Variants in PTPN4 observed in about 807,000 individuals in gnomAD.
The protein encoded by PTPN4 is tyrosine-protein phosphatase non-receptor type 4.
PTPN4 carries 49 observed loss-of-function variants against 135.5 expected under a neutral mutation model. That is an observed-to-expected ratio of 0.36 (90% CI 0.29 to 0.46). The LOEUF (loss-of-function observed/expected upper bound fraction) is 0.46. Ranked by LOEUF, PTPN4 falls within the 20% of genes least tolerant of loss-of-function variation. The pLI, the probability that PTPN4 is intolerant of heterozygous loss-of-function variation, is 1.00. For synonymous variants in PTPN4, 333 were observed against 369.9 expected (o/e 0.90, Z 1.14); for missense variants, 860 against 1,101.0 (o/e 0.78, Z 3.10).
chr2:119,783,763 G>GT (rs1690991767), intron 1 of PTPN4, among the ~76,000 whole-genome samples: 1 of 152,204 alleles, frequency 6.6e-6, no homozygotes, highest in African/African-American at 2.4e-5. Context: ...AATGTGAGAT[G>GT]TTTAAGTTAT....
At chr2:119,913,712 G>T (rs746020839) in intron 10 of PTPN4, among the ~76,000 whole-genome samples, 112 of 152,040 alleles carry the variant, frequency 7.4e-4, no homozygotes, top group Non-Finnish European at 2.5e-4. Flanking sequence ...TGAAAAATGC[G>T]TAGTATGTCT....
chr2:119,912,305 T>C (rs2105023194), intron 10 of PTPN4, among the ~76,000 whole-genome samples: 1 of 152,330 alleles, frequency 6.6e-6, no homozygotes, highest in Middle Eastern at 3.4e-3. Context: ...GGAGGATCAC[T>C]GTGTGGCGGA....
Position 119,773,788 on chromosome 2 carries a change from A to T in PTPN4, c.-18+13404A>T, listed in dbSNP as rs568805042. Reference sequence around the variant, plus strand: ...AAAATTAGATGTCATGAATACATAAAATATATATAGATACTAGTCTACTTT... The same window carrying T: ...AAAATTAGATGTCATGAATACATAATATATATATAGATACTAGTCTACTTT... On this transcript the variant is annotated intron_variant, in intron 1 of 26. Coordinates refer to ENST00000263708, the MANE Select transcript of PTPN4 (RefSeq NM_002830.4). Among the ~76,000 whole-genome samples the T allele has an allele frequency of 7.3e-3, 1,105 of 152,088 alleles. 13 individuals carry two copies. Among genetic ancestry groups the T allele is most frequent in the African/African-American group, 0.025 (1,042 of 41,502 alleles).
intron 1 of PTPN4, among the ~76,000 whole-genome samples, chr2:119,801,268 A>G (rs1366270260): frequency 2.0e-5 from 3 of 151,966 alleles, no homozygotes; most frequent in African/African-American, 7.3e-5. Flanking sequence ...TTCTATTTTT[A>G]GTAGAGATGG....
At chr2:119,963,432 A>G (rs1679400505) in intron 24 of PTPN4, among the ~76,000 whole-genome samples, 1 of 152,240 alleles carries the variant, frequency 6.6e-6, no homozygotes, top group Admixed American at 6.5e-5. Context: ...CCCTGCCACC[A>G]TCTTTGGTTT....
intron 1 of PTPN4, among the ~76,000 whole-genome samples, chr2:119,783,282 C>T (rs1200322122): frequency 1.3e-5 from 2 of 152,146 alleles, no homozygotes; most frequent in Admixed American, 1.3e-4. Context: ...ACTATTGATT[C>T]TCTGTCCAGC....
At chr2:119,906,188 T>C (rs1353522667) in intron 10 of PTPN4, among the ~76,000 whole-genome samples, 4 of 152,036 alleles carry the variant, frequency 2.6e-5, no homozygotes, top group East Asian at 1.9e-4. Context: ...TTTGAAGTGA[T>C]AAAAATCAAC....
intron 1 of PTPN4, among the ~76,000 whole-genome samples, chr2:119,789,003 C>T (rs1252084637): frequency 2.0e-5 from 3 of 152,126 alleles, no homozygotes; most frequent in African/African-American, 7.2e-5. Flanking sequence ...CTACTGTTTT[C>T]CACAGTGGGT....
intron 2 of PTPN4, among the ~76,000 whole-genome samples, chr2:119,841,932 C>G (rs1677387389): frequency 6.6e-6 from 1 of 152,104 alleles, no homozygotes; most frequent in Non-Finnish European, 1.5e-5. Flanking sequence ...TTCAGGGTGA[C>G]ACTATCTGTA....
At chr2:119,907,834 C>G (rs1678512252) in intron 10 of PTPN4, among the ~76,000 whole-genome samples, 1 of 152,054 alleles carries the variant, frequency 6.6e-6, no homozygotes, top group South Asian at 2.1e-4. Flanking sequence ...GACAAAGGCA[C>G]CTAGAACATA....
chr2:119,830,030 A>G (rs191752544), intron 2 of PTPN4, among the ~76,000 whole-genome samples: 1 of 152,204 alleles, frequency 6.6e-6, no homozygotes, highest in East Asian at 1.9e-4. Flanking sequence ...TCAAGTGGTT[A>G]CATTGTAACC....
chr2:119,858,726 A>T (rs879582849), intron 2 of PTPN4, among the ~76,000 whole-genome samples: 5 of 151,586 alleles, frequency 3.3e-5, no homozygotes, highest in Non-Finnish European at 5.9e-5. Context: ...TCTGCCTCCC[A>T]GGTTCAAGCG....
chr2:119,891,405 C>A (rs1678238823), intron 9 of PTPN4, among the ~76,000 whole-genome samples: 1 of 152,178 alleles, frequency 6.6e-6, no homozygotes. Flanking sequence ...TCACTGCAAC[C>A]TCTGCCTCCC....
rs187260230 is a variant in PTPN4 at position 119,925,557 on chromosome 2, A to T, written c.1002-1041A>T. On this transcript the variant is annotated intron_variant, in intron 12 of 26. Transcript: ENST00000263708. Reference sequence around the variant, plus strand: ...TATCCAAAGCACTTTTTAATCATCCAAGTGGTTAGACATCTTGTAAATGAA... The same window carrying T: ...TATCCAAAGCACTTTTTAATCATCCTAGTGGTTAGACATCTTGTAAATGAA... 3.2e-3 allele frequency among the ~76,000 whole-genome samples: 492 copies of T among 152,300 alleles called. 2 individuals are homozygous for T. Among genetic ancestry groups the T allele is most frequent in the African/African-American group, 0.011 (465 of 41,560 alleles).
chr2:119,862,902 T>A (rs1235893554), intron 3 of PTPN4, among the ~76,000 whole-genome samples: 1 of 152,106 alleles, frequency 6.6e-6, no homozygotes, highest in East Asian at 1.9e-4. Flanking sequence ...AAAAAGTAAA[T>A]CCAATTTATG....
rs114440849 is a variant in PTPN4, at chr2:119,931,377, A to T, written c.1071-1047A>T. Among the ~76,000 whole-genome samples, 575 of 150,724 alleles carry T rather than the reference A, an allele frequency of 3.8e-3. 2 individuals are homozygous for T. Among genetic ancestry groups the T allele is most frequent in the Admixed American group, 5.7e-3 (87 of 15,194 alleles). On this transcript the variant is annotated intron_variant, in intron 13 of 26. Transcript: ENST00000263708. ...TTCTAAGGGTTTATGATCTCTGCAT[A>T]GATCAGTATCTTTTGATCTGAATGA...
chr2:119,890,686 G>A (rs1678227707), intron 9 of PTPN4, among the ~76,000 whole-genome samples: 2 of 152,036 alleles, frequency 1.3e-5, no homozygotes, highest in South Asian at 2.1e-4. Flanking sequence ...TACCCATTAA[G>A]TTTTATACTT....
chr2:119,813,053 A>G (rs1156929532), intron 2 of PTPN4, among the ~76,000 whole-genome samples: 1 of 152,142 alleles, frequency 6.6e-6, no homozygotes, highest in Non-Finnish European at 1.5e-5. Flanking sequence ...AGATTCACAC[A>G]CACACACAAA....
chr2:119,777,474 G>C (rs1690857970), intron 1 of PTPN4, among the ~76,000 whole-genome samples: 1 of 151,986 alleles, frequency 6.6e-6, no homozygotes, highest in Non-Finnish European at 1.5e-5. Flanking sequence ...TGTTTTGTTT[G>C]TCGATATATT....
Sources: gnomAD v4.1 joint callset for allele counts (sites outside exome capture counted in the v4.1 genomes callset) on GRCh38, gnomAD v4.1.1 for gene constraint, MANE v1.5 for transcripts, NCBI Gene and HGNC (gene_info 2026-07-23, HGNC 2026-07-21) for gene names.